SEM1: variants seen among roughly 807,000 people sequenced by gnomAD.
SEM1 encodes the protein 26S proteasome complex subunit SEM1.
A neutral mutation model predicts 12.7 loss-of-function variants in SEM1; 3 were observed. The ratio of observed to expected loss-of-function variants is 0.24; its 90% CI spans 0.11 to 0.61. The LOEUF is 0.61. Among genes scored for constraint, SEM1 ranks in the 20% least tolerant of loss-of-function variants. The pLI is 0.88. For synonymous variants in SEM1, 30 were observed against 27.8 expected (o/e 1.08, Z -0.25); for missense variants, 59 against 81.3 (o/e 0.73, Z 1.06).
chr7:96,556,561 C>T (rs1239879485), intron 2 of SEM1, among the ~76,000 whole-genome samples: 1 of 152,062 alleles, frequency 6.6e-6, no homozygotes, highest in Non-Finnish European at 1.5e-5. Context: ...GAGAAATCCG[C>T]TGTTAGTCTG....
intron 2 of SEM1, among the ~76,000 whole-genome samples, chr7:96,632,185 C>G (rs1290847652): frequency 6.6e-6 from 1 of 152,074 alleles, no homozygotes; most frequent in Non-Finnish European, 1.5e-5. Context: ...ACCATTTGAC[C>G]CAGCAATCCC....
intron 2 of SEM1, among the ~76,000 whole-genome samples, chr7:96,590,261 TG>T (rs752437278): frequency 2.0e-5 from 3 of 152,330 alleles, no homozygotes; most frequent in Non-Finnish European, 4.4e-5. Context: ...AAGAAATTTT[TG>T]TTAGTATAAT....
intron 2 of SEM1, among the ~76,000 whole-genome samples, chr7:96,512,049 A>G (rs537061108): frequency 6.6e-6 from 1 of 152,194 alleles, no homozygotes; most frequent in South Asian, 2.1e-4. Context: ...CAGACTTTAA[A>G]GTCTTAAGTT....
intron 2 of SEM1, among the ~76,000 whole-genome samples, chr7:96,602,742 T>C (rs1807231886): frequency 1.3e-5 from 2 of 152,246 alleles, no homozygotes; most frequent in Admixed American, 6.5e-5. Context: ...AGGGGACAGA[T>C]GGTACTGAGA....
At chr7:96,486,321 C>G in exon 2 of SEM1, 1 of 1,537,124 alleles carries the variant, frequency 6.5e-7, no homozygotes, top group Non-Finnish European at 8.7e-7. Context: ...GCCCGCTGAG[C>G]TGGGCTTCTT....
chr7:96,524,814 G>C (rs1183322954), intron 2 of SEM1, among the ~76,000 whole-genome samples: 1 of 151,988 alleles, frequency 6.6e-6, no homozygotes, highest in Non-Finnish European at 1.5e-5. Context: ...GGAATTATTT[G>C]ATCTGTATTT....
At chr7:96,682,058 C>T (rs1789629430) in intron 2 of SEM1, among the ~76,000 whole-genome samples, 1 of 152,032 alleles carries the variant, frequency 6.6e-6, no homozygotes, top group African/African-American at 2.4e-5. Flanking sequence ...TCTCTTATTT[C>T]CTTGAGCAGT....
chr7:96,642,411 A>G (rs1054838596), intron 2 of SEM1, among the ~76,000 whole-genome samples: 3 of 152,220 alleles, frequency 2.0e-5, no homozygotes, highest in African/African-American at 7.2e-5. Context: ...TACTTCAATT[A>G]CATCCTCAAA....
chr7:96,520,047 G>T (rs1804222885), intron 2 of SEM1, among the ~76,000 whole-genome samples: 1 of 152,048 alleles, frequency 6.6e-6, no homozygotes, highest in African/African-American at 2.4e-5. Flanking sequence ...ATATTTTGAT[G>T]GATTGCAAGA....
intron 2 of SEM1, among the ~76,000 whole-genome samples, chr7:96,522,114 G>A (rs189388993): frequency 6.2e-4 from 94 of 152,152 alleles, no homozygotes; most frequent in African/African-American, 2.1e-3. Context: ...AGGATATTAA[G>A]GGCAGTCAGG....
intron 2 of SEM1, among the ~76,000 whole-genome samples, chr7:96,552,195 C>CT (rs34556753): frequency 0.64 from 97,387 of 151,284 alleles, 34,860 homozygotes; most frequent in East Asian, 0.8. Context: ...GAGTTTCTCT[C>CT]TTTTTTTTAT....
intron 2 of SEM1, among the ~76,000 whole-genome samples, chr7:96,542,079 T>C (rs1314295257): frequency 6.6e-6 from 1 of 151,430 alleles, no homozygotes; most frequent in Non-Finnish European, 1.5e-5. Context: ...ATTTGGGCTC[T>C]TTTTTTGGGG....
rs372645877 is a variant in SEM1 at position 96,514,617 on chromosome 7, C to T, written c.171-7919G>A. Among the ~76,000 whole-genome samples the T allele has an allele frequency of 1.5e-3, 222 of 151,984 alleles. 1 individual carries two copies. Among genetic ancestry groups the T allele is most frequent in the South Asian group, 9.3e-3 (45 of 4,816 alleles). On this transcript the variant is annotated intron_variant and NMD_transcript_variant, in intron 2 of 3. Coordinates refer to the SEM1 transcript ENST00000466986. Reference sequence around the variant, plus strand: ...CAGTCACTTTCCTATATACCAGCAACGAACAAGTAAAATTTGAAATTAGAA... The same window carrying T: ...CAGTCACTTTCCTATATACCAGCAATGAACAAGTAAAATTTGAAATTAGAA...
intron 2 of SEM1, among the ~76,000 whole-genome samples, chr7:96,530,093 G>C (rs557701326): frequency 6.6e-6 from 1 of 152,176 alleles, no homozygotes; most frequent in East Asian, 1.9e-4. Context: ...TCCCGTTCGT[G>C]TTACCATTGT....
At chr7:96,540,183 C>A (rs1046731498) in intron 2 of SEM1, among the ~76,000 whole-genome samples, 1 of 151,298 alleles carries the variant, frequency 6.6e-6, no homozygotes, top group Non-Finnish European at 1.5e-5. Flanking sequence ...CTGAAAACAA[C>A]CTAATATTTA....
chr7:96,491,755 A>T (rs1803017759), intron 1 of SEM1, among the ~76,000 whole-genome samples: 1 of 152,220 alleles, frequency 6.6e-6, no homozygotes, highest in African/African-American at 2.4e-5. Context: ...GGCATGCAAG[A>T]TGCACAGTAA....
At chr7:96,523,668 A>G (rs980485061) in intron 2 of SEM1, among the ~76,000 whole-genome samples, 2 of 152,020 alleles carry the variant, frequency 1.3e-5, no homozygotes, top group African/African-American at 4.8e-5. Flanking sequence ...CACCTTCAGC[A>G]CCTGCCCAGT....
intron 2 of SEM1, among the ~76,000 whole-genome samples, chr7:96,624,898 A>G (rs913816240): frequency 1.3e-5 from 2 of 152,236 alleles, no homozygotes; most frequent in Admixed American, 1.3e-4. Flanking sequence ...ATCTTCTACT[A>G]GCTATTGCTC....
intron 2 of SEM1, among the ~76,000 whole-genome samples, chr7:96,557,941 G>A (rs1805576399): frequency 6.6e-6 from 1 of 152,174 alleles, no homozygotes; most frequent in Non-Finnish European, 1.5e-5. Context: ...TCGGGTGGGA[G>A]TGACCCGATT....
Sources: gnomAD v4.1 joint callset for allele counts (sites outside exome capture counted in the v4.1 genomes callset) on GRCh38, gnomAD v4.1.1 for gene constraint, MANE v1.5 for transcripts, NCBI Gene and HGNC (gene_info 2026-07-23, HGNC 2026-07-21) for gene names.